CCDC60: variants seen among roughly 807,000 people sequenced by gnomAD.
CCDC60 encodes coiled-coil domain containing 60.
CCDC60 carries 54 observed loss-of-function variants against 63.5 expected under a neutral mutation model. That is an observed-to-expected ratio of 0.85 (90% CI 0.68 to 1.07). The LOEUF (loss-of-function observed/expected upper bound fraction) is 1.07, where lower values mean the gene tolerates loss of function less well. Among genes scored for constraint, CCDC60 ranks in the 50% least tolerant of loss-of-function variants. The pLI, the probability that CCDC60 is intolerant of heterozygous loss-of-function variation, is 0.00. For missense variants in CCDC60, 651 were observed against 684.3 expected (o/e 0.95, Z 0.54); for synonymous variants, 206 against 238.8 (o/e 0.86, Z 1.27).
Position 119,488,776 on chromosome 12 carries a change from A to G in CCDC60, c.467A>G (p.Gln156Arg). 6.2e-7 allele frequency: 1 copy of G among 1,614,178 alleles called. No individual in the cohort carries two copies. Among genetic ancestry groups the G allele is most frequent in the Non-Finnish European group, 8.5e-7 (1 of 1,179,992 alleles). ...TEAHVEPLFRQLCALHWLLEA... is the reference protein window; with the variant it reads ...TEAHVEPLFRRLCALHWLLEA... ...CTTTGCAGCGAGCCCCTCTTCCGCC[A>G]GCTCTGTGCTCTCCACTGGCTTCTG... Residue 156 changes from glutamine (Q) to arginine (R), a missense_variant, in exon 5 of 14, where the codon CAG (glutamine) becomes CGG (arginine). Coordinates refer to ENST00000327554, the MANE Select transcript of CCDC60 (RefSeq NM_178499.5).
chr12:119,478,411 C>T (rs1951227169), intron 3 of CCDC60, among the ~76,000 whole-genome samples: 1 of 151,962 alleles, frequency 6.6e-6, no homozygotes, highest in Non-Finnish European at 1.5e-5. Flanking sequence ...ATTTGCTCTG[C>T]TGTAATGGTG....
At chr12:119,528,110 G>T (rs1952742194) in intron 11 of CCDC60, among the ~76,000 whole-genome samples, 1 of 152,022 alleles carries the variant, frequency 6.6e-6, no homozygotes, top group Non-Finnish European at 1.5e-5. Flanking sequence ...AAACTGAAAA[G>T]CTATTGAAAG....
At chr12:119,524,858 G>T (rs1449554138) in intron 11 of CCDC60, among the ~76,000 whole-genome samples, 2 of 151,130 alleles carry the variant, frequency 1.3e-5, no homozygotes, top group South Asian at 2.1e-4. Flanking sequence ...TACAGATAGG[G>T]TCTTGCTATA....
chr12:119,476,870 C>T (rs916609046), intron 3 of CCDC60, among the ~76,000 whole-genome samples: 1 of 152,210 alleles, frequency 6.6e-6, no homozygotes, highest in African/African-American at 2.4e-5. Context: ...GAAGGTCTTT[C>T]CCTCCTCCAT....
At chr12:119,448,760 A>C (rs1237552567) in intron 2 of CCDC60, among the ~76,000 whole-genome samples, 1 of 152,142 alleles carries the variant, frequency 6.6e-6, no homozygotes, top group African/African-American at 2.4e-5. Context: ...CAGAACTCTT[A>C]ATAGCAGTTG....
chr12:119,522,511 T>C (rs1307425104), intron 9 of CCDC60, among the ~76,000 whole-genome samples: 1 of 152,058 alleles, frequency 6.6e-6, no homozygotes, highest in Admixed American at 6.6e-5. Flanking sequence ...CCTGGTCCAG[T>C]GTTAAGTGTT....
intron 1 of CCDC60, among the ~76,000 whole-genome samples, chr12:119,337,587 T>C (rs999656607): frequency 5.3e-5 from 8 of 152,230 alleles, no homozygotes; most frequent in Non-Finnish European, 1.0e-4. Context: ...ATTTCATTTA[T>C]TTAGTAAACA....
At chr12:119,495,567 C>T (rs1326635280) in intron 5 of CCDC60, among the ~76,000 whole-genome samples, 4 of 152,208 alleles carry the variant, frequency 2.6e-5, no homozygotes, top group African/African-American at 7.2e-5. Context: ...AAGACCTTTA[C>T]GTCTTTTCCA....
intron 2 of CCDC60, among the ~76,000 whole-genome samples, chr12:119,463,881 G>C (rs1950903720): frequency 6.6e-6 from 1 of 152,192 alleles, no homozygotes; most frequent in Non-Finnish European, 1.5e-5. Flanking sequence ...TGGAGTAAAG[G>C]AGTCGAGAGG....
At position 119,359,072 on chromosome 12, in the gene CCDC60, T is replaced by C. The variant is rs147919289; in HGVS notation, c.90+23806T>C. ...ATACTACCACCAGCAGTGAAGGAAA[T>C]TTCCAGTTGCTCCACATCCTCAACA... On this transcript the variant is annotated intron_variant, in intron 1 of 13. Coordinates refer to ENST00000327554, the MANE Select transcript of CCDC60 (RefSeq NM_178499.5). Among the ~76,000 whole-genome samples, 719 of 152,312 alleles carry C rather than the reference T, an allele frequency of 4.7e-3. 8 individuals are homozygous for C. Among genetic ancestry groups the C allele is most frequent in the African/African-American group, 0.016 (667 of 41,556 alleles).
chr12:119,499,977 C>A, intron 5 of CCDC60, 101 bp from the exon 6 acceptor site: 1 of 849,460 alleles, frequency 1.2e-6, no homozygotes, highest in South Asian at 1.4e-5. Context: ...CCTAACAGAG[C>A]CCAGCCACCA....
chr12:119,422,697 G>C (rs1015697357), intron 1 of CCDC60, among the ~76,000 whole-genome samples: 1 of 152,172 alleles, frequency 6.6e-6, no homozygotes, highest in Admixed American at 6.5e-5. Context: ...CCAGCATTAG[G>C]AATTACATTT....
chr12:119,401,262 C>T (rs1956387048), intron 1 of CCDC60, among the ~76,000 whole-genome samples: 1 of 152,200 alleles, frequency 6.6e-6, no homozygotes, highest in African/African-American at 2.4e-5. Flanking sequence ...TGTGACTCCC[C>T]ATCTACTTTG....
At chr12:119,523,051 C>G (rs1001171693) in intron 10 of CCDC60, 50 bp downstream of exon 10, 1 of 1,483,362 alleles carries the variant, frequency 6.7e-7, no homozygotes, top group Non-Finnish European at 9.4e-7. Context: ...AATATGGTGA[C>G]CACACCCTCT....
intron 3 of CCDC60, among the ~76,000 whole-genome samples, chr12:119,476,516 C>T (rs1435614394): frequency 6.6e-6 from 1 of 152,134 alleles, no homozygotes; most frequent in Non-Finnish European, 1.5e-5. Context: ...CCAGAATTAT[C>T]CTCAAATTCC....
chr12:119,495,589 C>T (rs1951700146), intron 5 of CCDC60, among the ~76,000 whole-genome samples: 1 of 152,196 alleles, frequency 6.6e-6, no homozygotes, highest in Non-Finnish European at 1.5e-5. Flanking sequence ...GTTTTTGCTT[C>T]CATGAAATAC....
chr12:119,343,312 C>T (rs113113177), intron 1 of CCDC60, among the ~76,000 whole-genome samples: 2 of 152,082 alleles, frequency 1.3e-5, no homozygotes, highest in Non-Finnish European at 2.9e-5. Context: ...GTCTGGCAAT[C>T]GGCTTGCAAG....
chr12:119,456,011 G>GAA lies in CCDC60; in HGVS notation c.171-15981_171-15980dup, dbSNP rs376110123. ...AAAGAGAGAGAGAAAGAGAAAGAAAGAAAGAAAGAAAGAAAGAAAGAAAGA... is the reference window on the plus strand; with the variant it reads ...AAAGAGAGAGAGAAAGAGAAAGAAAGAAAAAGAAAGAAAGAAAGAAAGAAAGA... On this transcript the variant is annotated intron_variant, in intron 2 of 13. Transcript: ENST00000327554. The surrounding 1 kb of genome is among the most constrained non-coding windows in gnomAD (Gnocchi z 4.6). 1.2e-5 allele frequency among the ~76,000 whole-genome samples: 1 copy of GAA among 84,420 alleles called. No individual in the cohort carries two copies. The highest frequency in any genetic ancestry group is 5.6e-5 in the African/African-American group (1 of 17,952). The allele number at this position is 84,420 out of a possible 152,430, so 55.4% of individuals were successfully genotyped here.
rs571381215 is a variant in CCDC60 at position 119,475,244 on chromosome 12, T to C, written c.341+3080T>C. ...TCTTTTTTCAGGAGCTATGCTCAGATTGACAGGCAAACCCAAAAAGCACTG... is the reference window on the plus strand; with the variant it reads ...TCTTTTTTCAGGAGCTATGCTCAGACTGACAGGCAAACCCAAAAAGCACTG... On this transcript the variant is annotated intron_variant, in intron 3 of 13. Coordinates refer to ENST00000327554, the MANE Select transcript of CCDC60 (RefSeq NM_178499.5). Among the ~76,000 whole-genome samples, 10 of 152,298 alleles carry C rather than the reference T, an allele frequency of 6.6e-5. No individual in the cohort carries two copies. In the East Asian group the frequency reaches 1.7e-3, roughly 26 times the overall value.
Sources: allele counts gnomAD v4.1 joint callset (sites outside exome capture counted in the v4.1 genomes callset), GRCh38; gene constraint gnomAD v4.1.1; non-coding constraint Gnocchi (gnomAD v3.1); transcripts MANE v1.5; gene names NCBI Gene and HGNC (gene_info 2026-07-23, HGNC 2026-07-21).